PRKDC: variants seen among roughly 807,000 people sequenced by gnomAD.
PRKDC encodes DNA-dependent protein kinase catalytic subunit.
In PRKDC, 82 loss-of-function variants were observed where a neutral mutation model predicts 486.9. The ratio of observed to expected loss-of-function variants is 0.17; its 90% CI spans 0.14 to 0.20. The LOEUF (loss-of-function observed/expected upper bound fraction) is 0.20. Among genes scored for constraint, PRKDC ranks in the 10% least tolerant of loss-of-function variants. The probability of loss-of-function intolerance (pLI) is 1.00; values close to 1 mark genes in which losing one functional copy is unlikely to be tolerated. For missense variants in PRKDC, 4,504 were observed against 5,038.2 expected, an observed-to-expected ratio of 0.89 and a Z score of 3.21; for synonymous variants, 1,895 against 1,837.0, an observed-to-expected ratio of 1.03 and a Z score of -0.81.
In PRKDC at chr8:47,849,224, G is replaced by A. The variant is rs768108353; in HGVS notation, c.7210C>T (p.Arg2404Cys). Residue 2404 changes from arginine (R) to cysteine (C), a missense_variant, in exon 54 of 86, where the codon CGT becomes TGT. This residue lies in a region of PRKDC where 1,592 missense variants were observed against 1,724.6 expected (regional missense o/e 0.92). Transcript: ENST00000314191. ...TACAGCTCTGTCATTCCCTCCACAC[G>A]ACAAAGTACCACCTCCAGACAGAGT... The part of the protein sequence containing the change: ...KTLCLEVVLC[R>C]VEGMTELYFQ... 1.8e-5 allele frequency: 29 copies of A among 1,613,928 alleles called. No individual in the cohort carries two copies. The highest frequency in any genetic ancestry group is 1.8e-4 in the East Asian group (8 of 44,884).
intron 4 of PRKDC, among the ~76,000 whole-genome samples, chr8:47,955,461 C>CAAAAAAAAAAA (rs746883720): frequency 5.4e-5 from 1 of 18,536 alleles, no homozygotes; most frequent in Admixed American, 4.1e-4. Flanking sequence ...GACTCCGTCT[C>CAAAAAAAAAAA]AAAAAAAAAA....
At chr8:47,933,200 C>A in intron 15 of PRKDC, 28 bp from the exon 16 acceptor site, 1 of 1,438,890 alleles carries the variant, frequency 6.9e-7, no homozygotes, top group Admixed American at 3.1e-5. Flanking sequence ...CAATAAACTT[C>A]AAAATCTTGT....
At chr8:47,931,171 G>A (rs1025468138) in intron 16 of PRKDC, among the ~76,000 whole-genome samples, 1 of 152,222 alleles carries the variant, frequency 6.6e-6, no homozygotes, top group Non-Finnish European at 1.5e-5. Context: ...AATGAAAAAT[G>A]TGGTATTTTG....
intron 39 of PRKDC, among the ~76,000 whole-genome samples, chr8:47,879,251 A>T (rs1345787697): frequency 6.6e-6 from 1 of 152,228 alleles, no homozygotes; most frequent in Non-Finnish European, 1.5e-5. Flanking sequence ...TTCTCAGGCC[A>T]CACACACATA....
At chr8:47,957,493 T>A (rs1171910909) in intron 1 of PRKDC, 62 bp from the exon 2 acceptor site, 1 of 1,297,276 alleles carries the variant, frequency 7.7e-7, no homozygotes, top group African/African-American at 1.5e-5. Flanking sequence ...AAACCACTCC[T>A]AAAGGGGTTG....
Position 47,814,937 on chromosome 8 carries a change from C to A in PRKDC, c.9557+2513G>T, listed in dbSNP as rs981493502. On this transcript the variant is annotated intron_variant, in intron 68 of 85. Transcript: ENST00000314191. ...CAGCACACTGGGAGGCTGAGGTGGG[C>A]GTGTTGCTTGAGCCCAGGAGTTACA... is the stretch of plus-strand genomic sequence containing the variant. Among the ~76,000 whole-genome samples the A allele has an allele frequency of 2.6e-5, 4 of 151,990 alleles. No homozygotes were observed. The South Asian group carries it at 8.3e-4, about 32-fold the overall frequency.
chr8:47,829,630 T>G (rs1258729917), intron 61 of PRKDC, among the ~76,000 whole-genome samples: 1 of 152,158 alleles, frequency 6.6e-6, no homozygotes, highest in Non-Finnish European at 1.5e-5. Flanking sequence ...CTATATAAAA[T>G]TTTAGAAAAT....
chr8:47,934,739 T>C (rs1265073604), intron 14 of PRKDC, among the ~76,000 whole-genome samples: 7 of 152,146 alleles, frequency 4.6e-5, no homozygotes. Context: ...CCTTAGCAAT[T>C]TGTCCTAGAG....
In PRKDC at chr8:47,886,100, C is replaced by G. The variant is rs761425848; in HGVS notation, c.4620G>C (p.Thr1540=). 6.2e-7 allele frequency: 1 copy of G among 1,613,396 alleles called. No homozygotes were observed. The highest frequency in any genetic ancestry group is 1.1e-5 in the South Asian group (1 of 91,060). The change falls in exon 36 of 86, where the codon ACG becomes ACC. Residue 1540 remains threonine (T), a synonymous_variant. Coordinates refer to ENST00000314191, the MANE Select transcript of PRKDC (RefSeq NM_006904.7). Reference sequence around the variant, plus strand: ...TGCCCTGTGAGCTGCCCAAGGACGCCGTGGACAGCACCGCTGGGTTCAGGA... The same window carrying G: ...TGCCCTGTGAGCTGCCCAAGGACGCGGTGGACAGCACCGCTGGGTTCAGGA... ...SLLLNPAVLS[T]ASLGSSQGSV...
At position 47,956,977 on chromosome 8, in the gene PRKDC, C is replaced by CAAA. The variant is rs2090713226; in HGVS notation, c.324+193_324+194insTTT. Among the ~76,000 whole-genome samples, 10 of 11,438 alleles carry CAAA rather than the reference C, an allele frequency of 8.7e-4. 1 individual carries two copies. The highest frequency in any genetic ancestry group is 1.5e-3 in the Admixed American group (1 of 658). 7.5% of individuals were successfully genotyped at this position (11,438 alleles called of 152,430 possible). A position where few individuals can be genotyped will look rare whatever the true frequency, so the allele number is the denominator to read the frequency against. On this transcript the variant is annotated intron_variant, in intron 3 of 85. Coordinates refer to ENST00000314191, the MANE Select transcript of PRKDC (RefSeq NM_006904.7). ...GGGCAACAAGAGCAAAACTCCTTCT[C>CAAA]CAAAAAAAAAAAAAAAAAAAAAAAC...
intron 40 of PRKDC, among the ~76,000 whole-genome samples, chr8:47,877,413 G>A (rs1392796963): frequency 1.3e-5 from 2 of 152,142 alleles, no homozygotes; most frequent in Non-Finnish European, 2.9e-5. Flanking sequence ...GAGGTGAAAC[G>A]ACATGGTGTC....
chr8:47,793,985 A>G (rs912748851), intron 74 of PRKDC, among the ~76,000 whole-genome samples: 1 of 152,214 alleles, frequency 6.6e-6, no homozygotes, highest in African/African-American at 2.4e-5. Context: ...TGTGTATTTT[A>G]AATTACAGGA....
Position 47,807,147 on chromosome 8 carries a change from G to A in PRKDC, c.9737C>T (p.Ala3246Val). Residue 3246 changes from alanine to valine, a missense_variant, in exon 69 of 86, where the codon GCC becomes GTC. Transcript: ENST00000314191. ...GACACGAGTACCCACCTGCTTCCGG[G>A]CACTGTCTATCATCTTCATTTTCAT... Reference protein sequence around the residue: ...FSMKMKMIDSARKQNNFSLAM... With the variant: ...FSMKMKMIDSVRKQNNFSLAM... 1 of 1,613,452 alleles carries A rather than the reference G, an allele frequency of 6.2e-7. No individual in the cohort carries two copies. The highest frequency in any genetic ancestry group is 8.5e-7 in the Non-Finnish European group (1 of 1,179,602).
chr8:47,940,776 A>T (rs1463989221), intron 10 of PRKDC, among the ~76,000 whole-genome samples: 1 of 152,244 alleles, frequency 6.6e-6, no homozygotes, highest in Non-Finnish European at 1.5e-5. Context: ...ATTATTCAAC[A>T]GTAGCAGACA....
intron 5 of PRKDC, among the ~76,000 whole-genome samples, 199 bp from the exon 6 acceptor site, chr8:47,954,118 T>G (rs2090666882): frequency 6.6e-6 from 1 of 152,228 alleles, no homozygotes; most frequent in African/African-American, 2.4e-5. Flanking sequence ...TCATATCTTG[T>G]GAGTTTTCTA....
In PRKDC at chr8:47,957,423, T is replaced by A. The variant is rs2154504734; in HGVS notation, c.163A>T (p.Thr55Ser). The part of the protein sequence containing the change: ...SSSPAVLALQ[T>S]SLVFSRDFGL... Reference sequence around the variant, plus strand: ...AAATCTCTGGAAAAAACTAAAGATGTCTGTAATGCTGTTCAAAAAAATAAG... The same window carrying A: ...AAATCTCTGGAAAAAACTAAAGATGACTGTAATGCTGTTCAAAAAAATAAG... The change falls in exon 2 of 86, where the codon ACA (threonine) becomes TCA (serine). Residue 55 changes from threonine (T) to serine (S), a missense_variant. Coordinates refer to ENST00000314191, the MANE Select transcript of PRKDC (RefSeq NM_006904.7). 6.3e-7 allele frequency: 1 copy of A among 1,579,112 alleles called. No individual in the cohort carries two copies. The highest frequency in any genetic ancestry group is 8.6e-7 in the Non-Finnish European group (1 of 1,161,354).
In PRKDC at chr8:47,898,556, C is replaced by A; in HGVS notation, c.3378G>T (p.Gln1126His). The stretch of plus-strand genomic sequence containing the variant: ...ATAGGTGATCAATGGCATCACAACA[C>A]TGTTGAATTGTACCTGTTCTCAAGT... ...ADEKSLGTIQ[Q>H]CCDAIDHLCR... is the part of the protein sequence containing the mutation. Residue 1126 changes from glutamine to histidine, a missense_variant, in exon 29 of 86, where the codon CAG becomes CAT. Around this residue, in one of 6 missense-constraint regions of PRKDC, gnomAD observed 1,969 missense variants for 2,068.9 expected, o/e 0.95. Transcript: ENST00000314191. The A allele has an allele frequency of 6.7e-7, 1 of 1,487,240 alleles. No homozygotes were observed. The highest frequency in any genetic ancestry group is 9.1e-7 in the Non-Finnish European group (1 of 1,099,076). The allele number at this position is 1,487,240 out of a possible 1,614,324, so 92.1% of individuals were successfully genotyped here.
chr8:47,832,832 C>T (rs1478097931), intron 59 of PRKDC, among the ~76,000 whole-genome samples: 1 of 152,226 alleles, frequency 6.6e-6, no homozygotes, highest in African/African-American at 2.4e-5. Context: ...TGAAACGGAT[C>T]TACGCCCAAG....
chr8:47,873,845 C>T (rs1008306414), intron 40 of PRKDC, among the ~76,000 whole-genome samples: 5 of 151,270 alleles, frequency 3.3e-5, no homozygotes, highest in South Asian at 4.2e-4. Context: ...AATAGAAAGA[C>T]GGTTACCAGA....
Sources: gnomAD v4.1 joint callset for allele counts (sites outside exome capture counted in the v4.1 genomes callset) on GRCh38, gnomAD v4.1.1 for gene constraint, gnomAD v4.1.1 regional missense constraint, MANE v1.5 for transcripts, NCBI Gene and HGNC (gene_info 2026-07-23, HGNC 2026-07-21) for gene names.